The following BMP8B variants were observed in gnomAD, a reference collection of about 807,000 sequenced individuals.
BMP8B encodes the protein bone morphogenetic protein 8b.
Under a neutral mutation model 30.3 loss-of-function variants are expected in BMP8B, and 17 were observed. The observed-to-expected ratio is 0.56, with a 90% confidence interval of 0.38 to 0.84. The LOEUF (loss-of-function observed/expected upper bound fraction) is 0.84, where lower values mean the gene tolerates loss of function less well. Among genes scored for constraint, BMP8B ranks in the 40% least tolerant of loss-of-function variants. The probability of loss-of-function intolerance (pLI) is 0.00; values close to 1 mark genes in which losing one functional copy is unlikely to be tolerated. For missense variants in BMP8B, 253 were observed against 494.6 expected (o/e 0.51, Z 4.63); for synonymous variants, 131 against 214.7 (o/e 0.61, Z 3.41).
intron 3 of BMP8B, chr1:39,771,146 C>G: frequency 6.4e-7 from 1 of 1,556,902 alleles, no homozygotes; most frequent in Non-Finnish European, 8.8e-7. Flanking sequence ...GGCACGGAGC[C>G]GGGGACTGGT....
intron 6 of BMP8B, among the ~76,000 whole-genome samples, chr1:39,760,941 A>C (rs1359569247): frequency 6.6e-6 from 1 of 151,972 alleles, no homozygotes; most frequent in Non-Finnish European, 1.5e-5. Context: ...TGGAAGGACC[A>C]CTTTCTTCTT....
intron 4 of BMP8B, among the ~76,000 whole-genome samples, chr1:39,764,337 C>T (rs1649437310): frequency 6.6e-6 from 1 of 151,124 alleles, no homozygotes; most frequent in Non-Finnish European, 1.5e-5. Context: ...GCTGCGGCTC[C>T]CAGGGAAGGG....
intron 6 of BMP8B, among the ~76,000 whole-genome samples, chr1:39,761,674 C>G (rs534040916): frequency 2.0e-5 from 3 of 152,284 alleles, no homozygotes; most frequent in African/African-American, 7.2e-5. Context: ...CTGCCAAGCT[C>G]ACTGCTGTCT....
In BMP8B at chr1:39,788,555, G is replaced by A. The variant is rs977236828; in HGVS notation, c.-70C>T. 1.0e-6 allele frequency: 1 copy of A among 993,598 alleles called. No homozygotes were observed. The highest frequency in any genetic ancestry group is 1.2e-6 in the Non-Finnish European group (1 of 836,434). The allele number at this position is 993,598 out of a possible 1,614,324, so 61.5% of individuals were successfully genotyped here. ...CGGCTCCGCGGCCGACCCAGGGCCT[G>A]GGGACGCCCCGACGGCAAGGAGGCT... On this transcript the variant is annotated 5_prime_UTR_variant, in exon 1 of 7. Transcript: ENST00000372827. This position sits in a 1 kb window ranked among gnomAD's most constrained non-coding sequence, Gnocchi z 5.8.
chr1:39,761,746 T>C (rs989296868), intron 6 of BMP8B, among the ~76,000 whole-genome samples: 7 of 152,058 alleles, frequency 4.6e-5, no homozygotes, highest in African/African-American at 1.7e-4. Context: ...ACTGGCCCCC[T>C]CCTTCTGTGG....
intron 6 of BMP8B, among the ~76,000 whole-genome samples, chr1:39,760,884 CTGTG>C (rs1445213058): frequency 1.1e-4 from 17 of 152,212 alleles, no homozygotes; most frequent in African/African-American, 3.6e-4. Context: ...GGAAGGAGAA[CTGTG>C]TGGCCAGGTT....
intron 1 of BMP8B, among the ~76,000 whole-genome samples, chr1:39,775,285 G>A (rs1248739694): frequency 1.3e-5 from 2 of 152,198 alleles, no homozygotes; most frequent in Admixed American, 6.5e-5. Flanking sequence ...GTGCTCAGCA[G>A]GCCCCAGGCT....
intron 6 of BMP8B, among the ~76,000 whole-genome samples, chr1:39,762,082 T>C (rs1343141402): frequency 6.6e-6 from 1 of 152,170 alleles, no homozygotes; most frequent in East Asian, 1.9e-4. Context: ...GTCCTCATCA[T>C]CCCTGGGCCT....
intron 1 of BMP8B, among the ~76,000 whole-genome samples, chr1:39,777,455 G>A (rs1426145658): frequency 6.6e-6 from 1 of 152,138 alleles, no homozygotes; most frequent in Non-Finnish European, 1.5e-5. Context: ...AGCAAACTTC[G>A]GAAGCAACCC....
At chr1:39,786,652 T>C (rs552751252) in intron 1 of BMP8B, among the ~76,000 whole-genome samples, 8 of 152,260 alleles carry the variant, frequency 5.3e-5, no homozygotes, top group Admixed American at 6.5e-5. Context: ...CAACTCTTCT[T>C]GGTCCTGAGC....
In BMP8B at chr1:39,788,147, C is replaced by T; in HGVS notation, c.334+5G>A. ...GAGGGTCCCCGCGCGGGCGGCCGCACTCACCCATGTTAACGAAGCTCATGA... is the reference window on the plus strand; with the variant it reads ...GAGGGTCCCCGCGCGGGCGGCCGCATTCACCCATGTTAACGAAGCTCATGA... On this transcript the variant is annotated splice_donor_5th_base_variant and intron_variant, in intron 1 of 6. Transcript: ENST00000372827. The surrounding 1 kb of genome is among the most constrained non-coding windows in gnomAD (Gnocchi z 5.8). 1 of 1,565,866 alleles carries T rather than the reference C, an allele frequency of 6.4e-7. No homozygotes were observed. The highest frequency in any genetic ancestry group is 2.4e-5 in the East Asian group (1 of 41,550).
intron 1 of BMP8B, among the ~76,000 whole-genome samples, chr1:39,779,517 G>A (rs1466544352): frequency 6.6e-6 from 1 of 152,200 alleles, no homozygotes; most frequent in Non-Finnish European, 1.5e-5. Context: ...GAAAGCGACT[G>A]GAATCCTAAG....
intron 6 of BMP8B, among the ~76,000 whole-genome samples, chr1:39,760,971 G>C (rs1259511498): frequency 7.2e-5 from 11 of 152,038 alleles, no homozygotes; most frequent in Admixed American, 5.2e-4. Flanking sequence ...CGGACCCCCA[G>C]AGGCTCTGCC....
chr1:39,788,075 G>C lies in BMP8B; in HGVS notation c.334+77C>G, dbSNP rs1651117065. ...GTGACTCCCCGTTCGGCCAGGGCCCGGCACAGCCCGCGGATGCGCGCCCCT... is the reference window on the plus strand; with the variant it reads ...GTGACTCCCCGTTCGGCCAGGGCCCCGCACAGCCCGCGGATGCGCGCCCCT... On this transcript the variant is annotated intron_variant, in intron 1 of 6. Transcript: ENST00000372827. The surrounding 1 kb of genome is among the most constrained non-coding windows in gnomAD (Gnocchi z 5.8). 1.1e-5 allele frequency: 16 copies of C among 1,405,928 alleles called. No individual in the cohort carries two copies. The highest frequency in any genetic ancestry group is 3.0e-5 in the South Asian group (2 of 66,790). The allele number at this position is 1,405,928 out of a possible 1,614,324, so 87.1% of individuals were successfully genotyped here.
intron 3 of BMP8B, among the ~76,000 whole-genome samples, chr1:39,767,316 C>A (rs1649682929): frequency 1.3e-5 from 2 of 151,412 alleles, no homozygotes; most frequent in Admixed American, 1.3e-4. Flanking sequence ...TCCAAGGTCC[C>A]AGAGCAAGGT....
intron 3 of BMP8B, chr1:39,770,181 C>A: frequency 1.5e-6 from 2 of 1,311,968 alleles, no homozygotes; most frequent in South Asian, 2.8e-5. Flanking sequence ...TTGATGAGGT[C>A]GGCATCCACC....
intron 1 of BMP8B, 108 bp from the exon 2 acceptor site, chr1:39,775,146 C>G: frequency 6.6e-7 from 1 of 1,519,512 alleles, no homozygotes; most frequent in Non-Finnish European, 8.9e-7. Context: ...CAAGGTGGAG[C>G]GGACCCAGGG....
chr1:39,763,551 C>G (rs1305359509), intron 5 of BMP8B, 161 bp downstream of exon 5: 5 of 1,143,450 alleles, frequency 4.4e-6, no homozygotes, highest in South Asian at 3.5e-5. Flanking sequence ...AAAAAAAAAC[C>G]CTTTCTCACC....
At chr1:39,782,712 C>A (rs932330796) in intron 1 of BMP8B, among the ~76,000 whole-genome samples, 2 of 151,922 alleles carry the variant, frequency 1.3e-5, no homozygotes, top group Non-Finnish European at 2.9e-5. Flanking sequence ...AGGTGATCCG[C>A]CCCCGCTTGG....
Sources: gnomAD v4.1 joint callset for allele counts (sites outside exome capture counted in the v4.1 genomes callset) on GRCh38, gnomAD v4.1.1 for gene constraint, Gnocchi (gnomAD v3.1) non-coding constraint, MANE v1.5 for transcripts, NCBI Gene and HGNC (gene_info 2026-07-23, HGNC 2026-07-21) for gene names.